Variants in GABRA3 observed in about 807,000 individuals in gnomAD.
GABRA3 encodes gamma-aminobutyric acid type A receptor subunit alpha3, also known as gamma-aminobutyric acid receptor subunit alpha-3.
GABRA3 carries 10 observed loss-of-function variants against 30.1 expected under a neutral mutation model. The observed-to-expected ratio is 0.33, with a 90% CI of 0.20 to 0.56. The LOEUF (loss-of-function observed/expected upper bound fraction) is 0.56. Ranked by LOEUF, GABRA3 falls within the 20% of genes least tolerant of loss-of-function variation. GABRA3 has a pLI of 0.89. For synonymous variants in GABRA3, 151 were observed against 146.8 expected, an observed-to-expected ratio of 1.03 and a Z score of -0.21; for missense variants, 233 against 392.0, an observed-to-expected ratio of 0.59 and a Z score of 3.42.
At chrX:152,309,371 T>C (rs1041025368) in intron 3 of GABRA3, among the ~76,000 whole-genome samples, 1 of 110,690 alleles carries the variant, frequency 9.0e-6, no homozygotes, top group Non-Finnish European at 1.9e-5. Context: ...AAAGAAAATA[T>C]ATTAAACGCA....
At chrX:152,298,872 C>T (rs939185032) in intron 3 of GABRA3, among the ~76,000 whole-genome samples, 1 of 112,033 alleles carries the variant, frequency 8.9e-6, no homozygotes, top group Non-Finnish European at 1.9e-5. Flanking sequence ...TTCTCCACAT[C>T]CTCTCCAGCA....
At chrX:152,243,003 G>A (rs1212948038) in intron 5 of GABRA3, among the ~76,000 whole-genome samples, 2 of 111,958 alleles carry the variant, frequency 1.8e-5, no homozygotes, top group Admixed American at 1.9e-4. Flanking sequence ...AAAAGATGTG[G>A]TATATATACA....
chrX:152,235,917 T>A (rs1187891073), intron 5 of GABRA3, among the ~76,000 whole-genome samples: 2 of 104,115 alleles, frequency 1.9e-5, no homozygotes, highest in African/African-American at 6.9e-5. Context: ...TAAGCAAAAA[T>A]AACAAATCAA....
chrX:152,306,808 A>G (rs1355709075), intron 3 of GABRA3, among the ~76,000 whole-genome samples: 2 of 111,924 alleles, frequency 1.8e-5, no homozygotes, highest in Admixed American at 1.9e-4. Context: ...TGACATCAAT[A>G]TTAGCCAGAA....
intron 3 of GABRA3, among the ~76,000 whole-genome samples, chrX:152,319,957 A>AAC (rs1939936825): frequency 8.9e-6 from 1 of 112,014 alleles, no homozygotes; most frequent in South Asian, 3.7e-4. Flanking sequence ...ACAAATGGCC[A>AAC]ACAAACATGA....
intron 3 of GABRA3, among the ~76,000 whole-genome samples, chrX:152,298,438 T>C (rs1223927580): frequency 5.7e-5 from 6 of 104,445 alleles, no homozygotes; most frequent in African/African-American, 1.1e-4. Context: ...AGTGTTCTCA[T>C]TGTTCAATTC....
At chrX:152,288,004 A>G (rs924735970) in intron 3 of GABRA3, among the ~76,000 whole-genome samples, 2 of 111,439 alleles carry the variant, frequency 1.8e-5, no homozygotes, top group African/African-American at 6.5e-5. Flanking sequence ...TTGCCTTTTC[A>G]ATGAAAGTGA....
At position 152,281,229 on chromosome X, in the gene GABRA3, T is replaced by C. The variant is rs1038753755; in HGVS notation, c.330+3439A>G. Reference sequence around the variant, plus strand: ...CTCTGCATTCTAATTCTTTGCAACCTTTCTCTTATTGCCATTTCCACCCTC... The same window carrying C: ...CTCTGCATTCTAATTCTTTGCAACCCTTCTCTTATTGCCATTTCCACCCTC... On this transcript the variant is annotated intron_variant, in intron 4 of 9. Transcript: ENST00000370314. Among the ~76,000 whole-genome samples the C allele has an allele frequency of 2.7e-5, 3 of 112,037 alleles. No individual in the cohort carries two copies. The Admixed American group carries it at 2.9e-4, about 11-fold the overall frequency.
Position 152,218,217 on chromosome X carries a change from G to T in GABRA3, c.634+6546C>A, listed in dbSNP as rs1937764394. ...TAATTCCCTTTGTGATTTTTTATTT[G>T]GATCATTGTCTGTTTAGGAGGGGAA... On this transcript the variant is annotated intron_variant, in intron 6 of 9. Coordinates refer to ENST00000370314, the MANE Select transcript of GABRA3 (RefSeq NM_000808.4). Among the ~76,000 whole-genome samples the T allele has an allele frequency of 2.7e-5, 3 of 109,314 alleles. No individual in the cohort carries two copies. In the South Asian group the frequency reaches 1.2e-3, roughly 42 times the overall value. The allele number at this position is 109,314 out of a possible 115,157, so 94.9% of individuals were successfully genotyped here.
At chrX:152,385,131 T>C (rs1929264925) in intron 1 of GABRA3, among the ~76,000 whole-genome samples, 1 of 111,800 alleles carries the variant, frequency 8.9e-6, no homozygotes, top group Admixed American at 9.5e-5. Context: ...GCAAGAATAA[T>C]GAAGCACAAG....
intron 8 of GABRA3, among the ~76,000 whole-genome samples, chrX:152,196,200 A>G (rs1937382632): frequency 9.8e-6 from 1 of 102,475 alleles, no homozygotes; most frequent in Non-Finnish European, 2.0e-5. Context: ...CAGCCTGGCC[A>G]ACATGTTGAA....
At chrX:152,329,760 G>GCAT in intron 3 of GABRA3, among the ~76,000 whole-genome samples, 1 of 111,719 alleles carries the variant, frequency 9.0e-6, no homozygotes, top group South Asian at 3.7e-4. Context: ...GAAAACCTAG[G>GCAT]TGAAACCATT....
intron 1 of GABRA3, among the ~76,000 whole-genome samples, chrX:152,405,014 A>C (rs1047333933): frequency 9.2e-6 from 1 of 109,048 alleles, no homozygotes; most frequent in Non-Finnish European, 1.9e-5. Context: ...TACTCATGTA[A>C]GAGATCAAAT....
intron 1 of GABRA3, among the ~76,000 whole-genome samples, chrX:152,401,826 C>T (rs1009562963): frequency 1.2e-4 from 13 of 111,272 alleles, no homozygotes; most frequent in African/African-American, 2.0e-4. Context: ...AGGAGAACAG[C>T]GACTATAGGA....
chrX:152,233,659 C>A lies in GABRA3; in HGVS notation c.552-8814G>T, dbSNP rs1938135081. On this transcript the variant is annotated intron_variant, in intron 5 of 9. Transcript: ENST00000370314. Reference sequence around the variant, plus strand: ...GTGGCGATTCCTCAGGGATCTAGAACTAGAAATACCATTTGACCCAGCCAT... The same window carrying A: ...GTGGCGATTCCTCAGGGATCTAGAAATAGAAATACCATTTGACCCAGCCAT... Among the ~76,000 whole-genome samples the A allele has an allele frequency of 5.6e-5, 6 of 107,766 alleles. 1 individual carries two copies. In the South Asian group the frequency reaches 2.5e-3, roughly 45 times the overall value. The allele number at this position is 107,766 out of a possible 115,157, so 93.6% of individuals were successfully genotyped here.
At chrX:152,402,950 T>C (rs1929831616) in intron 1 of GABRA3, among the ~76,000 whole-genome samples, 1 of 111,672 alleles carries the variant, frequency 9.0e-6, no homozygotes, top group African/African-American at 3.2e-5. Context: ...TAAAATTGAA[T>C]AAAGGAGGTT....
intron 6 of GABRA3, among the ~76,000 whole-genome samples, chrX:152,215,049 TA>T (rs1162617226): frequency 5.0e-4 from 53 of 105,144 alleles, no homozygotes; most frequent in African/African-American, 1.8e-3. Context: ...TATATATATA[TA>T]TATATTTTTT....
At chrX:152,382,355 G>C (rs1006675343) in intron 1 of GABRA3, among the ~76,000 whole-genome samples, 3 of 112,170 alleles carry the variant, frequency 2.7e-5, no homozygotes, top group African/African-American at 9.7e-5. Context: ...TTCAACCATT[G>C]TGGAAGACAG....
chrX:152,181,916 T>TTGAA (rs753960488), intron 9 of GABRA3, among the ~76,000 whole-genome samples: 97 of 111,436 alleles, frequency 8.7e-4, no homozygotes, highest in African/African-American at 2.9e-3. Flanking sequence ...CTTTCTCTTG[T>TTGAA]TGAATTGCTC....
Sources: gnomAD v4.1 joint callset for allele counts (sites outside exome capture counted in the v4.1 genomes callset) on GRCh38, gnomAD v4.1.1 for gene constraint, MANE v1.5 for transcripts, NCBI Gene and HGNC (gene_info 2026-07-23, HGNC 2026-07-21) for gene names.